Variants in TENM2 observed in about 807,000 individuals in gnomAD.
TENM2 encodes the protein teneurin transmembrane protein 2, also known as teneurin-2.
A neutral mutation model predicts 245.2 loss-of-function variants in TENM2; 52 were observed. That is an observed-to-expected ratio of 0.21 (90% CI 0.17 to 0.27). The LOEUF is 0.27. Among genes scored for constraint, TENM2 ranks in the 10% least tolerant of loss-of-function variants. The pLI is 1.00. For missense variants in TENM2, 3,046 were observed against 3,666.8 expected (o/e 0.83, Z 4.37); for synonymous variants, 1,363 against 1,438.9 (o/e 0.95, Z 1.19).
At chr5:167,952,910 C>T (rs1780234444) in intron 4 of TENM2, 88 bp downstream of exon 6, 1 of 1,094,438 alleles carries the variant, frequency 9.1e-7, no homozygotes. Context: ...CTCAGAGTTC[C>T]AGTCGGAGAG....
chr5:167,179,472 T>C, the TENM2 span, among the ~76,000 whole-genome samples: 3 of 152,352 alleles, frequency 2.0e-5, no homozygotes, highest in East Asian at 1.9e-4. Context: ...TATTTTATTT[T>C]ATTTCATTCC....
intron 2 of TENM2, among the ~76,000 whole-genome samples, chr5:167,814,147 T>A (rs1449740833): frequency 6.6e-6 from 1 of 152,146 alleles, no homozygotes; most frequent in Non-Finnish European, 1.5e-5. Flanking sequence ...CAATTGCTAA[T>A]GCAGCTAATA....
chr5:167,581,943 A>G (rs1011605785), intron 2 of TENM2, among the ~76,000 whole-genome samples: 1 of 152,170 alleles, frequency 6.6e-6, no homozygotes, highest in Non-Finnish European at 1.5e-5. Flanking sequence ...ATCAAGCGTT[A>G]CAAAGCCATT....
chr5:167,772,014 G>A (rs550681182), intron 2 of TENM2, among the ~76,000 whole-genome samples: 1 of 152,232 alleles, frequency 6.6e-6, no homozygotes, highest in Admixed American at 6.5e-5. Context: ...AATTAAGGAT[G>A]ATCTTACCTT....
In TENM2 at chr5:168,037,806, T is replaced by C. The variant is rs555703524; in HGVS notation, c.1187-9621T>C. ...TGGCTCAGTCAGCCATTAGCTGTCATGACCCTAGGCAAGTCATTTCACTTA... is the reference window on the plus strand; with the variant it reads ...TGGCTCAGTCAGCCATTAGCTGTCACGACCCTAGGCAAGTCATTTCACTTA... On this transcript the variant is annotated intron_variant, in intron 5 of 28. Coordinates refer to ENST00000518659, the Ensembl canonical transcript of TENM2. 8.5e-5 allele frequency among the ~76,000 whole-genome samples: 13 copies of C among 152,316 alleles called. No homozygotes were observed. The South Asian group carries it at 2.7e-3, about 32-fold the overall frequency.
At chr5:168,005,833 T>C (rs578165171) in intron 5 of TENM2, among the ~76,000 whole-genome samples, 93 of 152,304 alleles carry the variant, frequency 6.1e-4, no homozygotes, top group African/African-American at 2.0e-3. Context: ...ACAGAGAGTA[T>C]TTTTTGTGCA....
chr5:167,367,982 G>A (rs564523065), intron 1 of TENM2, among the ~76,000 whole-genome samples: 4 of 151,686 alleles, frequency 2.6e-5, no homozygotes, highest in Admixed American at 2.6e-4. Context: ...ATTCATTCTT[G>A]ACTTTAAAAT....
At chr5:167,545,918 A>G (rs1710086463) in intron 2 of TENM2, among the ~76,000 whole-genome samples, 1 of 152,250 alleles carries the variant, frequency 6.6e-6, no homozygotes, top group African/African-American at 2.4e-5. Flanking sequence ...CAAACTTGGC[A>G]GCATCGTATA....
At chr5:168,174,919 G>C (rs1462960231) in intron 13 of TENM2, among the ~76,000 whole-genome samples, 1 of 152,204 alleles carries the variant, frequency 6.6e-6, no homozygotes, top group East Asian at 1.9e-4. Flanking sequence ...TGCTGGGAGA[G>C]AGCAGTGGTA....
rs1166838680 is a variant in TENM2 at position 167,831,561 on chromosome 5, A to G, written c.503-44425A>G. 5.9e-5 allele frequency among the ~76,000 whole-genome samples: 9 copies of G among 151,884 alleles called. No individual in the cohort carries two copies. The East Asian group carries it at 1.7e-3, about 29-fold the overall frequency. ...TCACGTTTTGGCCCCAATGCAATAA[A>G]AAGTATAAACTCATGTCAGAAAACA... is the stretch of plus-strand genomic sequence containing the variant. On this transcript the variant is annotated intron_variant, in intron 2 of 28. Transcript: ENST00000518659.
intron 2 of TENM2, among the ~76,000 whole-genome samples, chr5:167,614,399 G>A (rs1777654281): frequency 6.6e-6 from 1 of 151,976 alleles, no homozygotes; most frequent in African/African-American, 2.4e-5. Flanking sequence ...TCAACTTTTG[G>A]CTCCTTTGGG....
intron 7 of TENM2, among the ~76,000 whole-genome samples, chr5:168,077,734 A>G (rs542923874): frequency 9.2e-5 from 14 of 152,240 alleles, no homozygotes; most frequent in Non-Finnish European, 1.3e-4. Context: ...AGCTTCATCC[A>G]TGTCCCTACA....
At chr5:167,564,131 A>G (rs989704579) in intron 2 of TENM2, among the ~76,000 whole-genome samples, 2 of 152,220 alleles carry the variant, frequency 1.3e-5, no homozygotes, top group Non-Finnish European at 2.9e-5. Context: ...AGTAAACCAT[A>G]TAGTGATTTA....
the TENM2 span, among the ~76,000 whole-genome samples, chr5:166,992,729 G>T: frequency 6.6e-6 from 1 of 152,130 alleles, no homozygotes; most frequent in Non-Finnish European, 1.5e-5. Flanking sequence ...TCTAAGGGTG[G>T]AGTTAGTGTT....
At chr5:167,028,750 A>T in the TENM2 span, among the ~76,000 whole-genome samples, 1 of 152,082 alleles carries the variant, frequency 6.6e-6, no homozygotes, top group Non-Finnish European at 1.5e-5. Flanking sequence ...ATCCAATTCA[A>T]TGTGTCCGCT....
chr5:167,674,524 G>T (rs1433428540), intron 2 of TENM2, among the ~76,000 whole-genome samples: 1 of 152,100 alleles, frequency 6.6e-6, no homozygotes, highest in Non-Finnish European at 1.5e-5. Flanking sequence ...AGGCAGAATT[G>T]CAGTAAAGGA....
the TENM2 span, among the ~76,000 whole-genome samples, chr5:167,125,499 T>G: frequency 6.6e-6 from 1 of 152,362 alleles, no homozygotes; most frequent in Non-Finnish European, 1.5e-5. Flanking sequence ...TGTTTGATTC[T>G]AATAGACCCT....
At chr5:167,909,060 TTC>T (rs1235205950) in intron 3 of TENM2, among the ~76,000 whole-genome samples, 20 of 148,836 alleles carry the variant, frequency 1.3e-4, no homozygotes, top group South Asian at 1.1e-3. Flanking sequence ...TCGTTTTCTT[TTC>T]TCTCTCTTTT....
At chr5:167,679,061 A>G (rs1320028390) in intron 2 of TENM2, among the ~76,000 whole-genome samples, 1 of 152,094 alleles carries the variant, frequency 6.6e-6, no homozygotes, top group Non-Finnish European at 1.5e-5. Context: ...CACCCTCTTG[A>G]AAACCTAATC....
Sources: gnomAD v4.1 joint callset for allele counts (sites outside exome capture counted in the v4.1 genomes callset) on GRCh38, gnomAD v4.1.1 for gene constraint, MANE v1.5 for transcripts, NCBI Gene and HGNC (gene_info 2026-07-23, HGNC 2026-07-21) for gene names.